The following PRKG1 variants were observed in gnomAD, a reference collection of about 807,000 sequenced individuals.
PRKG1 encodes cGMP-dependent protein kinase 1.
Under a neutral mutation model 88.1 loss-of-function variants are expected in PRKG1, and 35 were observed. That is an observed-to-expected ratio of 0.40 (90% CI 0.30 to 0.53). PRKG1 has a LOEUF of 0.53. Among genes scored for constraint, PRKG1 ranks in the 20% least tolerant of loss-of-function variants. The pLI is 0.59. For missense variants in PRKG1, 540 were observed against 839.8 expected (o/e 0.64, Z 4.41); for synonymous variants, 303 against 292.5 (o/e 1.04, Z -0.37).
intron 3 of PRKG1, among the ~76,000 whole-genome samples, chr10:51,511,771 CTATT>C (rs1274472918): frequency 6.6e-6 from 1 of 152,178 alleles, no homozygotes; most frequent in East Asian, 1.9e-4. Context: ...TTGGCAGTAT[CTATT>C]AAAGCTGAAC....
intron 9 of PRKG1, among the ~76,000 whole-genome samples, chr10:52,191,900 ATTC>A (rs1839372432): frequency 6.6e-6 from 1 of 152,136 alleles, no homozygotes; most frequent in Admixed American, 6.5e-5. Context: ...ATTAATTGGA[ATTC>A]TTCTCTGAAA....
chr10:51,003,165 AAACAACAACAACAACAAC>A (rs67761270), intron 1 of PRKG1, among the ~76,000 whole-genome samples: 188 of 151,048 alleles, frequency 1.2e-3, no homozygotes, highest in African/African-American at 3.2e-3. Context: ...TGCAGGGCCA[AAACAACAACAACAACAAC>A]AACAACAACA....
chr10:51,923,793 A>T (rs1463365612), intron 5 of PRKG1, among the ~76,000 whole-genome samples: 1 of 151,940 alleles, frequency 6.6e-6, no homozygotes, highest in Non-Finnish European at 1.5e-5. Flanking sequence ...AATAAGAAAA[A>T]TAAATGAATT....
At chr10:51,445,939 AAACGT>A (rs1188615112) in intron 2 of PRKG1, among the ~76,000 whole-genome samples, 1 of 151,922 alleles carries the variant, frequency 6.6e-6, no homozygotes, top group Non-Finnish European at 1.5e-5. Flanking sequence ...TTCAATCAGC[AAACGT>A]TTATCTATCA....
chr10:52,164,824 C>T (rs1838386940), intron 9 of PRKG1, among the ~76,000 whole-genome samples: 1 of 152,090 alleles, frequency 6.6e-6, no homozygotes, highest in Non-Finnish European at 1.5e-5. Flanking sequence ...TGATTTGATA[C>T]ATAGGAATAC....
chr10:52,021,569 A>G (rs909250087), intron 5 of PRKG1, among the ~76,000 whole-genome samples: 7 of 152,190 alleles, frequency 4.6e-5, no homozygotes, highest in Non-Finnish European at 7.3e-5. Context: ...GTATATTTCC[A>G]TTTGTGTTTG....
At chr10:52,169,326 C>T (rs1306624728) in intron 9 of PRKG1, among the ~76,000 whole-genome samples, 1 of 152,150 alleles carries the variant, frequency 6.6e-6, no homozygotes, top group African/African-American at 2.4e-5. Context: ...AAGATCAAGG[C>T]ATCAGCAGAT....
chr10:51,288,783 A>T (rs958504828), intron 2 of PRKG1, among the ~76,000 whole-genome samples: 1 of 152,200 alleles, frequency 6.6e-6, no homozygotes, highest in Non-Finnish European at 1.5e-5. Flanking sequence ...GACAGAGGGG[A>T]GCAAAGAGGT....
At chr10:51,371,235 T>A (rs1842699561) in intron 2 of PRKG1, among the ~76,000 whole-genome samples, 1 of 152,014 alleles carries the variant, frequency 6.6e-6, no homozygotes, top group South Asian at 2.1e-4. Flanking sequence ...TTACACTACC[T>A]ATCTTTAAAA....
chr10:51,997,864 C>T (rs1844491106), intron 5 of PRKG1, among the ~76,000 whole-genome samples: 1 of 151,858 alleles, frequency 6.6e-6, no homozygotes, highest in Admixed American at 6.6e-5. Flanking sequence ...CTTTTCTCCC[C>T]TTCCATCCCT....
intron 2 of PRKG1, among the ~76,000 whole-genome samples, chr10:51,448,178 G>A (rs1244888334): frequency 6.6e-6 from 1 of 151,876 alleles, no homozygotes; most frequent in Non-Finnish European, 1.5e-5. Context: ...AGTCCAGGAG[G>A]TTGAGGCTGC....
At chr10:51,923,419 C>T (rs2132984639) in intron 5 of PRKG1, among the ~76,000 whole-genome samples, 1 of 151,012 alleles carries the variant, frequency 6.6e-6, no homozygotes, top group East Asian at 1.9e-4. Flanking sequence ...TAATATCTAT[C>T]ATATTAATAT....
chr10:51,516,098 G>A (rs866301447), intron 3 of PRKG1, among the ~76,000 whole-genome samples: 7 of 152,290 alleles, frequency 4.6e-5, no homozygotes, highest in Middle Eastern at 6.8e-3. Context: ...GTGCCCAAGA[G>A]GAATGGGGTC....
At chr10:51,145,054 T>C (rs1845910519) in intron 1 of PRKG1, among the ~76,000 whole-genome samples, 1 of 152,258 alleles carries the variant, frequency 6.6e-6, no homozygotes, top group Non-Finnish European at 1.5e-5. Flanking sequence ...AAATGATTTC[T>C]TTAATGATCA....
At chr10:51,963,696 C>A (rs1336410416) in intron 5 of PRKG1, among the ~76,000 whole-genome samples, 1 of 152,140 alleles carries the variant, frequency 6.6e-6, no homozygotes, top group African/African-American at 2.4e-5. Context: ...GATCCACCCA[C>A]TCCAGCCTCC....
At chr10:51,640,663 G>C (rs1839776762) in intron 3 of PRKG1, among the ~76,000 whole-genome samples, 1 of 152,104 alleles carries the variant, frequency 6.6e-6, no homozygotes, top group African/African-American at 2.4e-5. Context: ...TGTCTCTGGA[G>C]ATTTAAGGCT....
intron 3 of PRKG1, chr10:51,695,648 A>ATAAC (rs1564610212): frequency 6.6e-6 from 1 of 152,110 alleles, no homozygotes; most frequent in Non-Finnish European, 1.5e-5. Context: ...AGTATTAAGC[A>ATAAC]TAACTATCAC....
rs139349621 is a variant in PRKG1, at chr10:51,182,330, A to G, written c.478+29000A>G. On this transcript the variant is annotated intron_variant, in intron 2 of 17. Coordinates refer to ENST00000373980, the MANE Select transcript of PRKG1 (RefSeq NM_006258.4). ...TTAGCTTTATTAAGACAAATGGATTATGCCTGAGAATGGATTTAGTTGATT... is the reference window on the plus strand; with the variant it reads ...TTAGCTTTATTAAGACAAATGGATTGTGCCTGAGAATGGATTTAGTTGATT... Among the ~76,000 whole-genome samples the G allele has an allele frequency of 2.8e-3, 429 of 152,350 alleles. 2 individuals carry two copies. The highest frequency in any genetic ancestry group is 1.0e-2 in the African/African-American group (414 of 41,584).
At chr10:51,767,534 C>G (rs1838195679) in intron 3 of PRKG1, among the ~76,000 whole-genome samples, 1 of 152,124 alleles carries the variant, frequency 6.6e-6, no homozygotes. Context: ...GAAAAGGTTT[C>G]AACTCTGAAT....
Sources: allele counts gnomAD v4.1 joint callset (sites outside exome capture counted in the v4.1 genomes callset), GRCh38; gene constraint gnomAD v4.1.1; transcripts MANE v1.5; gene names NCBI Gene and HGNC (gene_info 2026-07-23, HGNC 2026-07-21).